The following NIPBL variants were observed in gnomAD, a reference collection of about 807,000 sequenced individuals.
The protein encoded by NIPBL is nipped-B-like protein.
NIPBL carries 19 observed loss-of-function variants against 321.8 expected under a neutral mutation model. That is an observed-to-expected ratio of 0.06 (90% CI 0.04 to 0.09). The LOEUF is 0.09. Among genes scored for constraint, NIPBL ranks in the 10% least tolerant of loss-of-function variants. The pLI is 1.00. For synonymous variants in NIPBL, 1,106 were observed against 1,114.1 expected (o/e 0.99, Z 0.14); for missense variants, 2,210 against 3,327.0 (o/e 0.66, Z 8.26).
intron 1 of NIPBL, among the ~76,000 whole-genome samples, chr5:36,921,235 C>T (rs1748917824): frequency 6.6e-6 from 1 of 151,698 alleles, no homozygotes; most frequent in Admixed American, 6.6e-5. Context: ...CTGATATTTC[C>T]ATGAGTACAT....
At chr5:37,021,727 A>G (rs1234831162) in intron 27 of NIPBL, among the ~76,000 whole-genome samples, 1 of 152,212 alleles carries the variant, frequency 6.6e-6, no homozygotes, top group Non-Finnish European at 1.5e-5. Flanking sequence ...CCAAATTATG[A>G]TTTGAATGAT....
At chr5:36,930,053 T>C (rs1315572011) in intron 1 of NIPBL, among the ~76,000 whole-genome samples, 2 of 152,008 alleles carry the variant, frequency 1.3e-5, no homozygotes, top group African/African-American at 4.8e-5. Flanking sequence ...TTATTTTGGC[T>C]ATTCTAGATC....
Position 37,064,974 on chromosome 5 carries a change from A to C in NIPBL, c.*82A>C. 1 of 1,572,344 alleles carries C rather than the reference A, an allele frequency of 6.4e-7. No homozygotes were observed. Among genetic ancestry groups the C allele is most frequent in the Non-Finnish European group, 8.7e-7 (1 of 1,148,582 alleles). On this transcript the variant is annotated 3_prime_UTR_variant, in exon 47 of 47. Transcript: ENST00000282516. ...GAAATACCAACATTCTGGCAAAAAAAAATCAGTTTTATGAAGAGTAAGTGG... is the reference window on the plus strand; with the variant it reads ...GAAATACCAACATTCTGGCAAAAAACAATCAGTTTTATGAAGAGTAAGTGG...
intron 34 of NIPBL, among the ~76,000 whole-genome samples, chr5:37,040,315 T>C (rs971119871): frequency 6.6e-5 from 10 of 152,150 alleles, no homozygotes; most frequent in African/African-American, 1.4e-4. Context: ...TTTTTCTTAA[T>C]GTTTTGTGGT....
At chr5:36,899,655 T>C (rs892351570) in intron 1 of NIPBL, among the ~76,000 whole-genome samples, 1 of 152,224 alleles carries the variant, frequency 6.6e-6, no homozygotes, top group Admixed American at 6.5e-5. Flanking sequence ...GTTAGAGACA[T>C]GCTTGCCTCC....
intron 45 of NIPBL, among the ~76,000 whole-genome samples, chr5:37,061,506 C>T (rs1366058047): frequency 2.6e-5 from 4 of 152,048 alleles, no homozygotes; most frequent in African/African-American, 9.7e-5. Flanking sequence ...GGCAAATCCC[C>T]GTATCTATAA....
intron 1 of NIPBL, among the ~76,000 whole-genome samples, chr5:36,900,889 C>G (rs1388454976): frequency 2.0e-5 from 3 of 152,122 alleles, no homozygotes; most frequent in Non-Finnish European, 2.9e-5. Flanking sequence ...TTCTTTGATG[C>G]CTTCCTTGTC....
chr5:36,927,077 C>T (rs1749421812), intron 1 of NIPBL, among the ~76,000 whole-genome samples: 1 of 152,044 alleles, frequency 6.6e-6, no homozygotes, highest in Non-Finnish European at 1.5e-5. Flanking sequence ...TATATTCTCC[C>T]TCTAATATTT....
chr5:36,942,553 A>G (rs1739217690), intron 1 of NIPBL, among the ~76,000 whole-genome samples: 1 of 151,594 alleles, frequency 6.6e-6, no homozygotes, highest in South Asian at 2.1e-4. Flanking sequence ...CAGTCTGGCC[A>G]AGATGGTGAA....
At chr5:36,945,432 C>T (rs16903413) in intron 1 of NIPBL, among the ~76,000 whole-genome samples, 17,518 of 152,104 alleles carry the variant, frequency 0.12, 1,088 homozygotes, top group Admixed American at 0.18. Flanking sequence ...TTTTGAGAAA[C>T]CCTAAATCTC....
intron 1 of NIPBL, among the ~76,000 whole-genome samples, chr5:36,914,950 A>T (rs1483217500): frequency 6.6e-6 from 1 of 152,070 alleles, no homozygotes; most frequent in African/African-American, 2.4e-5. Flanking sequence ...GAAACTTTTT[A>T]AAATATTTTT....
chr5:36,958,312 G>A lies in NIPBL; in HGVS notation c.358+81G>A. ...TCCAGGTGTCTTCTTTAACAAGCTG[G>A]CCTATCAGGAATGCGATGTTTATGC... On this transcript the variant is annotated intron_variant, in intron 4 of 46. Coordinates refer to ENST00000282516, the MANE Select transcript of NIPBL (RefSeq NM_133433.4). 6 of 1,437,840 alleles carry A rather than the reference G, an allele frequency of 4.2e-6. No individual in the cohort carries two copies. The South Asian group carries it at 4.7e-5, about 11-fold the overall frequency. 89.1% of individuals were successfully genotyped at this position (1,437,840 alleles called of 1,614,324 possible). A position where few individuals can be genotyped will look rare whatever the true frequency, so the allele number is the denominator to read the frequency against.
chr5:37,059,205 G>C (rs377659369), intron 44 of NIPBL, 40 bp downstream of exon 44: 17 of 1,604,486 alleles, frequency 1.1e-5, no homozygotes, highest in Non-Finnish European at 1.4e-5. Context: ...ACTTCACTCT[G>C]TTCAAATAAT....
At chr5:36,896,730 C>G (rs1472093557) in intron 1 of NIPBL, among the ~76,000 whole-genome samples, 1 of 152,074 alleles carries the variant, frequency 6.6e-6, no homozygotes, top group Non-Finnish European at 1.5e-5. Flanking sequence ...CTCCGAGTAG[C>G]TGGGATTACA....
At chr5:37,019,961 A>G (rs1243972410) in intron 25 of NIPBL, among the ~76,000 whole-genome samples, 1 of 152,142 alleles carries the variant, frequency 6.6e-6, no homozygotes, top group Non-Finnish European at 1.5e-5. Flanking sequence ...TCAGCCAAAT[A>G]CTGTAGGTTT....
intron 7 of NIPBL, among the ~76,000 whole-genome samples, chr5:36,971,510 A>T (rs1032662640): frequency 2.0e-5 from 3 of 152,024 alleles, no homozygotes; most frequent in African/African-American, 7.2e-5. Flanking sequence ...TTTGTGTCTG[A>T]AATTTAATAT....
rs148710765 is a variant in NIPBL, at chr5:36,952,364, T to G, written c.-79-1254T>G. ...TATTTAAGTTTTTTAAACTGGAAAT[T>G]ACAATTCCGTTTTTAATCTTAGCTC... On this transcript the variant is annotated intron_variant, in intron 1 of 46. Transcript: ENST00000282516. 8.2e-3 allele frequency among the ~76,000 whole-genome samples: 1,243 copies of G among 152,238 alleles called. 11 individuals carry two copies. The highest frequency in any genetic ancestry group is 0.028 in the African/African-American group (1,181 of 41,550).
In NIPBL at chr5:37,000,407, A is replaced by C; in HGVS notation, c.3339A>C (p.Lys1113Asn). Residue 1113 changes from lysine (K) to asparagine (N), a missense_variant, in exon 12 of 47, where the codon AAA becomes AAC. By Grantham distance (94) the Lys-to-Asn change is moderately conservative. Coordinates refer to ENST00000282516, the MANE Select transcript of NIPBL (RefSeq NM_133433.4). The stretch of plus-strand genomic sequence containing the variant: ...AACGACATAAAAAAGATGATGATAA[A>C]GCTTGGGAATATGAAGAGCGTGACA... ...SRKRHKKDDD[K>N]AWEYEERDRR... 2 of 1,613,216 alleles carry C rather than the reference A, an allele frequency of 1.2e-6. No individual in the cohort carries two copies. Among genetic ancestry groups the C allele is most frequent in the Non-Finnish European group, 1.7e-6 (2 of 1,179,426 alleles).
At chr5:37,037,473 G>A (rs1376449412) in intron 33 of NIPBL, among the ~76,000 whole-genome samples, 5 of 148,960 alleles carry the variant, frequency 3.4e-5, no homozygotes, top group Non-Finnish European at 3.0e-5. Context: ...TGCTTGAAGC[G>A]CACAAAGACT....
Sources: gnomAD v4.1 joint callset for allele counts (sites outside exome capture counted in the v4.1 genomes callset) on GRCh38, gnomAD v4.1.1 for gene constraint, MANE v1.5 for transcripts, NCBI Gene and HGNC (gene_info 2026-07-23, HGNC 2026-07-21) for gene names.